PCLO: variants seen among roughly 807,000 people sequenced by gnomAD.
The protein encoded by PCLO is protein piccolo.
A neutral mutation model predicts 427.5 loss-of-function variants in PCLO; 82 were observed. That is an observed-to-expected ratio of 0.19 (90% CI 0.16 to 0.23). The LOEUF (loss-of-function observed/expected upper bound fraction) is 0.23. Among genes scored for constraint, PCLO ranks in the 10% least tolerant of loss-of-function variants. PCLO has a pLI of 1.00. For missense variants in PCLO, 6,239 were observed against 6,115.9 expected, an observed-to-expected ratio of 1.02 and a Z score of -0.67; for synonymous variants, 2,357 against 2,155.4, an observed-to-expected ratio of 1.09 and a Z score of -2.59.
At chr7:82,890,017 AT>A (rs1793720450) in intron 9 of PCLO, among the ~76,000 whole-genome samples, 1 of 151,406 alleles carries the variant, frequency 6.6e-6, no homozygotes, top group Non-Finnish European at 1.5e-5. Context: ...TTTACAGGAA[AT>A]ATTTTACATA....
At chr7:83,079,831 G>A (rs1391914806) in intron 3 of PCLO, among the ~76,000 whole-genome samples, 2 of 151,892 alleles carry the variant, frequency 1.3e-5, no homozygotes, top group Non-Finnish European at 2.9e-5. Context: ...TAAGTATTAA[G>A]CCTAGCATGC....
intron 3 of PCLO, among the ~76,000 whole-genome samples, chr7:83,023,270 T>TAA (rs1788391607): frequency 6.6e-6 from 1 of 152,148 alleles, no homozygotes; most frequent in Non-Finnish European, 1.5e-5. Context: ...ATATAAACAA[T>TAA]ACAAAAAGTG....
intron 6 of PCLO, among the ~76,000 whole-genome samples, chr7:82,947,937 A>G (rs1795242302): frequency 6.6e-6 from 1 of 152,126 alleles, no homozygotes; most frequent in African/African-American, 2.4e-5. Flanking sequence ...GTACAGGGAT[A>G]CATATTATGT....
At chr7:83,123,675 T>C (rs996930892) in intron 3 of PCLO, among the ~76,000 whole-genome samples, 6 of 151,824 alleles carry the variant, frequency 4.0e-5, no homozygotes, top group African/African-American at 1.5e-4. Context: ...AAGAACAAAG[T>C]GAAGGGACAA....
chr7:83,057,380 G>A (rs553295341), intron 3 of PCLO, among the ~76,000 whole-genome samples: 1 of 20,532 alleles, frequency 4.9e-5, no homozygotes, highest in Non-Finnish European at 1.1e-4. Context: ...TTTTTTTTTT[G>A]AGGCAGAGTC....
intron 10 of PCLO, chr7:82,868,336 T>C (rs1383116114): frequency 8.1e-6 from 3 of 372,046 alleles, no homozygotes; most frequent in Non-Finnish European, 1.1e-5. Flanking sequence ...GACTTTTTCA[T>C]GACAAGGAAT....
chr7:82,965,659 A>T (rs1795749221), intron 4 of PCLO, 112 bp downstream of exon 4: 1 of 661,006 alleles, frequency 1.5e-6, no homozygotes, highest in African/African-American at 1.8e-5. Context: ...AATGTCATTC[A>T]TTGTTTGAGG....
intron 20 of PCLO, among the ~76,000 whole-genome samples, chr7:82,816,412 C>G (rs1292543138): frequency 6.6e-6 from 1 of 152,084 alleles, no homozygotes; most frequent in Non-Finnish European, 1.5e-5. Flanking sequence ...CTGCCCCCCA[C>G]TGTGTCTCCA....
chr7:82,988,303 C>G (rs1796300238), intron 3 of PCLO, among the ~76,000 whole-genome samples: 1 of 151,884 alleles, frequency 6.6e-6, no homozygotes, highest in South Asian at 2.1e-4. Context: ...TGCTTACAGG[C>G]ATGAGACCCC....
rs180953895 is a variant in PCLO at position 82,800,849 on chromosome 7, T to C, written c.15007+669A>G. 3.3e-5 allele frequency among the ~76,000 whole-genome samples: 5 copies of C among 152,142 alleles called. No individual in the cohort carries two copies. In the East Asian group the frequency reaches 9.8e-4, roughly 30 times the overall value. ...ATCTGCCCACCTCGGCCTCCCAAAGTGCTGGGATTTCAGGCGTGAGCCACC... is the reference window on the plus strand; with the variant it reads ...ATCTGCCCACCTCGGCCTCCCAAAGCGCTGGGATTTCAGGCGTGAGCCACC... On this transcript the variant is annotated intron_variant, in intron 22 of 24. Coordinates refer to ENST00000333891, the MANE Select transcript of PCLO (RefSeq NM_033026.6).
intron 3 of PCLO, among the ~76,000 whole-genome samples, chr7:83,010,572 T>C (rs969311656): frequency 2.7e-5 from 4 of 150,346 alleles, no homozygotes; most frequent in Non-Finnish European, 5.9e-5. Flanking sequence ...TATATGTAAG[T>C]AATTATAAAA....
intron 2 of PCLO, among the ~76,000 whole-genome samples, chr7:83,150,560 A>C (rs548389441): frequency 1.3e-5 from 2 of 152,264 alleles, no homozygotes; most frequent in South Asian, 2.1e-4. Flanking sequence ...TAAGGGAGTA[A>C]ACATGTCCCC....
intron 20 of PCLO, chr7:82,820,484 A>G (rs993031396): frequency 8.4e-7 from 1 of 1,194,224 alleles, no homozygotes; most frequent in Non-Finnish European, 1.0e-6. Flanking sequence ...TAGTTTATGA[A>G]TGAAATAAAG....
intron 3 of PCLO, among the ~76,000 whole-genome samples, chr7:83,042,834 G>T (rs1227915517): frequency 3.3e-5 from 5 of 152,118 alleles, no homozygotes; most frequent in Non-Finnish European, 7.3e-5. Flanking sequence ...TGCCCTCTAG[G>T]CTGGGCAAGA....
intron 3 of PCLO, among the ~76,000 whole-genome samples, chr7:83,071,403 A>G (rs1789812433): frequency 6.6e-6 from 1 of 152,214 alleles, no homozygotes; most frequent in Non-Finnish European, 1.5e-5. Context: ...AGACCTTTTA[A>G]ACATTAAAAT....
chr7:82,805,658 C>A, intron 21 of PCLO, 30 bp downstream of exon 21: 1 of 1,607,034 alleles, frequency 6.2e-7, no homozygotes, highest in Non-Finnish European at 8.5e-7. Flanking sequence ...GCTGAGTAAG[C>A]TTTGTAGTAA....
intron 2 of PCLO, among the ~76,000 whole-genome samples, chr7:83,144,905 T>C (rs184856135): frequency 1.9e-4 from 29 of 152,342 alleles, no homozygotes; most frequent in African/African-American, 6.7e-4. Context: ...AGAGTTGTTT[T>C]AAGTATTTAA....
At chr7:82,791,705 C>T (rs1246918427) in intron 22 of PCLO, among the ~76,000 whole-genome samples, 2 of 152,104 alleles carry the variant, frequency 1.3e-5, no homozygotes, top group African/African-American at 2.4e-5. Flanking sequence ...GAAAGTAATA[C>T]TTGGTTGACC....
At chr7:82,948,589 A>G (rs1270912924) in intron 6 of PCLO, among the ~76,000 whole-genome samples, 4 of 152,148 alleles carry the variant, frequency 2.6e-5, no homozygotes, top group African/African-American at 7.2e-5. Flanking sequence ...TTGAGCTATT[A>G]TATCTATCAA....
Sources: allele counts gnomAD v4.1 joint callset (sites outside exome capture counted in the v4.1 genomes callset), GRCh38; gene constraint gnomAD v4.1.1; transcripts MANE v1.5; gene names NCBI Gene and HGNC (gene_info 2026-07-23, HGNC 2026-07-21).